The following DENND1A variants were observed in gnomAD, a reference collection of about 807,000 sequenced individuals.
DENND1A encodes DENN domain-containing protein 1A.
Under a neutral mutation model 113.7 loss-of-function variants are expected in DENND1A, and 51 were observed. The observed-to-expected ratio is 0.45, with a 90% CI of 0.36 to 0.57. The LOEUF is 0.57. Among genes scored for constraint, DENND1A ranks in the 20% least tolerant of loss-of-function variants. The probability of loss-of-function intolerance (pLI) is 0.00; values close to 1 mark genes in which losing one functional copy is unlikely to be tolerated. For synonymous variants in DENND1A, 565 were observed against 570.8 expected, an observed-to-expected ratio of 0.99 and a Z score of 0.14; for missense variants, 1,258 against 1,395.9, an observed-to-expected ratio of 0.90 and a Z score of 1.57.
At chr9:123,604,758 A>T (rs2060078384) in intron 11 of DENND1A, among the ~76,000 whole-genome samples, 1 of 152,208 alleles carries the variant, frequency 6.6e-6, no homozygotes, top group South Asian at 2.1e-4. Context: ...AGGCAGGCAC[A>T]AACCAATTGT....
At chr9:123,601,740 T>C (rs1370915263) in intron 11 of DENND1A, among the ~76,000 whole-genome samples, 1 of 152,224 alleles carries the variant, frequency 6.6e-6, no homozygotes, top group East Asian at 1.9e-4. Flanking sequence ...GAATAAACTA[T>C]ATCAGTTAAT....
intron 13 of DENND1A, among the ~76,000 whole-genome samples, chr9:123,526,687 C>G (rs187147256): frequency 2.0e-5 from 3 of 152,196 alleles, no homozygotes; most frequent in Non-Finnish European, 4.4e-5. Context: ...CCTAGACATT[C>G]GCATCCCTTG....
At position 123,414,612 on chromosome 9, in the gene DENND1A, G is replaced by A. The variant is rs1384105050; in HGVS notation, c.1489-2783C>T. ...GCCTGTTAGCATAGCAAAGGCTGGTGAGTCTTGCAAGAAAAAAACCCACCC... is the reference window on the plus strand; with the variant it reads ...GCCTGTTAGCATAGCAAAGGCTGGTAAGTCTTGCAAGAAAAAAACCCACCC... On this transcript the variant is annotated intron_variant, in intron 19 of 23. Coordinates refer to ENST00000394215, the MANE Select transcript of DENND1A (RefSeq NM_001352964.2). 8 of 1,550,324 alleles carry A rather than the reference G, an allele frequency of 5.2e-6. No homozygotes were observed. In the Admixed American group the frequency reaches 5.9e-5, roughly 11 times the overall value.
intron 1 of DENND1A, among the ~76,000 whole-genome samples, chr9:123,916,371 CTT>C (rs545019678): frequency 1.3e-4 from 17 of 126,614 alleles, no homozygotes; most frequent in Admixed American, 2.4e-4. Context: ...TACGTATTTG[CTT>C]TTTTTTTTTT....
intron 11 of DENND1A, among the ~76,000 whole-genome samples, chr9:123,607,547 AGTGTGTGTGTGT>A (rs555605927): frequency 7.4e-5 from 5 of 67,998 alleles, no homozygotes; most frequent in Non-Finnish European, 1.3e-4. Context: ...AGAGAGAGAG[AGTGTGTGTGTGT>A]GTGTGTGTGT....
chr9:123,614,559 G>A (rs1300345901), intron 10 of DENND1A, among the ~76,000 whole-genome samples: 1 of 151,758 alleles, frequency 6.6e-6, no homozygotes, highest in Non-Finnish European at 1.5e-5. Flanking sequence ...AATTGGAAAT[G>A]AGTCCAGTGA....
At chr9:123,553,402 C>G (rs1223845235) in intron 13 of DENND1A, among the ~76,000 whole-genome samples, 1 of 65,574 alleles carries the variant, frequency 1.5e-5, no homozygotes, top group Non-Finnish European at 2.8e-5. Context: ...TAAAAGCCGC[C>G]CCCCCCCCGC....
At chr9:123,652,235 T>A (rs2062698534) in intron 8 of DENND1A, 112 bp from the exon 9 acceptor site, 1 of 912,740 alleles carries the variant, frequency 1.1e-6, no homozygotes, top group Non-Finnish European at 1.6e-6. Context: ...ACTCTGTTCT[T>A]TCCCTGTCCT....
chr9:123,869,210 C>T (rs1315685198), intron 2 of DENND1A, among the ~76,000 whole-genome samples: 2 of 152,208 alleles, frequency 1.3e-5, no homozygotes, highest in Non-Finnish European at 2.9e-5. Flanking sequence ...CTTCCTAGCT[C>T]TAAGATTTAA....
At chr9:123,551,949 C>A (rs907966214) in intron 13 of DENND1A, among the ~76,000 whole-genome samples, 1 of 151,424 alleles carries the variant, frequency 6.6e-6, no homozygotes, top group African/African-American at 2.4e-5. Flanking sequence ...AGTCCCCCAG[C>A]CAGCTGCATT....
intron 5 of DENND1A, among the ~76,000 whole-genome samples, chr9:123,687,183 A>G (rs1164641765): frequency 6.6e-6 from 1 of 152,160 alleles, no homozygotes; most frequent in African/African-American, 2.4e-5. Flanking sequence ...GTCCAATAAA[A>G]GTAATGTTTT....
chr9:123,895,368 C>G (rs1317129373), intron 1 of DENND1A, among the ~76,000 whole-genome samples: 4 of 152,056 alleles, frequency 2.6e-5, no homozygotes, highest in African/African-American at 4.8e-5. Flanking sequence ...CACCTGTAAT[C>G]CCAGCACTAT....
At chr9:123,386,775 G>T (rs2042586025) in intron 22 of DENND1A, among the ~76,000 whole-genome samples, 1 of 152,176 alleles carries the variant, frequency 6.6e-6, no homozygotes, top group Non-Finnish European at 1.5e-5. Flanking sequence ...AGGACCCTCT[G>T]ACCCTGTGGG....
chr9:123,846,788 C>T lies in DENND1A; in HGVS notation c.88+32163G>A, dbSNP rs1439367849. Among the ~76,000 whole-genome samples, 3 of 152,080 alleles carry T rather than the reference C, an allele frequency of 2.0e-5. No individual in the cohort carries two copies. In the South Asian group the frequency reaches 6.2e-4, roughly 32 times the overall value. On this transcript the variant is annotated intron_variant, in intron 2 of 23. Transcript: ENST00000394215. Reference sequence around the variant, plus strand: ...TAATAACAGATAGTGGTGATGGCTGCACAACAGTGTTAAACATAATTAATA... The same window carrying T: ...TAATAACAGATAGTGGTGATGGCTGTACAACAGTGTTAAACATAATTAATA...
intron 5 of DENND1A, among the ~76,000 whole-genome samples, chr9:123,726,071 C>T (rs1292856303): frequency 3.3e-5 from 5 of 152,112 alleles, no homozygotes; most frequent in South Asian, 2.1e-4. Context: ...CACTATGATA[C>T]GACTTTATAC....
intron 8 of DENND1A, among the ~76,000 whole-genome samples, chr9:123,661,183 G>A (rs1024968638): frequency 2.6e-5 from 4 of 152,124 alleles, no homozygotes; most frequent in Non-Finnish European, 5.9e-5. Context: ...GCTAGGAGAC[G>A]GGGTGCAAAT....
At chr9:123,499,856 CT>C (rs1398108839) in intron 13 of DENND1A, among the ~76,000 whole-genome samples, 1 of 152,214 alleles carries the variant, frequency 6.6e-6, no homozygotes, top group Non-Finnish European at 1.5e-5. Context: ...ACTCCTCTAC[CT>C]GTCTATGCGC....
At chr9:123,870,657 G>C (rs144675544) in intron 2 of DENND1A, among the ~76,000 whole-genome samples, 1 of 151,880 alleles carries the variant, frequency 6.6e-6, no homozygotes. Flanking sequence ...GGATGGTCTC[G>C]ATCTCCTGAC....
At chr9:123,435,904 C>T (rs1339147096) in intron 19 of DENND1A, among the ~76,000 whole-genome samples, 1 of 152,234 alleles carries the variant, frequency 6.6e-6, no homozygotes, top group Non-Finnish European at 1.5e-5. Context: ...TCCTCACCCG[C>T]TGATGGCAAA....
Sources: allele counts gnomAD v4.1 joint callset (sites outside exome capture counted in the v4.1 genomes callset), GRCh38; gene constraint gnomAD v4.1.1; transcripts MANE v1.5; gene names NCBI Gene and HGNC (gene_info 2026-07-23, HGNC 2026-07-21).